THRB: variants seen among roughly 807,000 people sequenced by gnomAD.
THRB encodes nuclear receptor subfamily 1 group A member 2.
Under a neutral mutation model 47.8 loss-of-function variants are expected in THRB, and 12 were observed. That is an observed-to-expected ratio of 0.25 (90% CI 0.16 to 0.41). The LOEUF (loss-of-function observed/expected upper bound fraction) is 0.41, where lower values mean the gene tolerates loss of function less well. Ranked by LOEUF, THRB falls within the 10% of genes least tolerant of loss-of-function variation. The pLI is 1.00. For synonymous variants in THRB, 218 were observed against 212.2 expected (o/e 1.03, Z -0.24); for missense variants, 348 against 589.2 (o/e 0.59, Z 4.24).
chr3:24,186,752 C>T (rs1340932205), intron 5 of THRB, among the ~76,000 whole-genome samples: 3 of 151,910 alleles, frequency 2.0e-5, no homozygotes, highest in Non-Finnish European at 4.4e-5. Context: ...TTGAGACCTG[C>T]CTGGCCAACA....
At chr3:24,181,624 G>C (rs2041906444) in intron 5 of THRB, among the ~76,000 whole-genome samples, 1 of 152,206 alleles carries the variant, frequency 6.6e-6, no homozygotes, top group African/African-American at 2.4e-5. Context: ...AGTGAGATAG[G>C]TGACATTTGT....
At chr3:24,353,228 G>C (rs992148550) in intron 1 of THRB, among the ~76,000 whole-genome samples, 2 of 151,828 alleles carry the variant, frequency 1.3e-5, no homozygotes, top group Non-Finnish European at 2.9e-5. Context: ...GGGATGTGTA[G>C]AATAGTTTAA....
chr3:24,183,783 C>A (rs1418627937), intron 5 of THRB, among the ~76,000 whole-genome samples: 2 of 150,454 alleles, frequency 1.3e-5, no homozygotes, highest in African/African-American at 4.9e-5. Flanking sequence ...ACTAAATGGA[C>A]TGAGGGTTAC....
At chr3:24,229,891 T>C (rs2048077568) in intron 3 of THRB, among the ~76,000 whole-genome samples, 1 of 152,214 alleles carries the variant, frequency 6.6e-6, no homozygotes, top group Non-Finnish European at 1.5e-5. Context: ...CGTTGTAATA[T>C]ACTACTAGCT....
intron 1 of THRB, among the ~76,000 whole-genome samples, chr3:24,467,187 C>A (rs1166106667): frequency 6.6e-6 from 1 of 152,212 alleles, no homozygotes; most frequent in Non-Finnish European, 1.5e-5. Flanking sequence ...AACTCCTTAA[C>A]CATAGAAGTT....
intron 1 of THRB, among the ~76,000 whole-genome samples, chr3:24,469,293 T>C (rs935899529): frequency 6.6e-6 from 1 of 152,184 alleles, no homozygotes; most frequent in Non-Finnish European, 1.5e-5. Context: ...TTCTAGCACA[T>C]AATGAGCTCA....
chr3:24,307,493 G>A (rs1400558506), intron 2 of THRB, among the ~76,000 whole-genome samples: 3 of 151,802 alleles, frequency 2.0e-5, no homozygotes, highest in Non-Finnish European at 2.9e-5. Flanking sequence ...TTCATAAACA[G>A]CACTTTCAAT....
intron 1 of THRB, among the ~76,000 whole-genome samples, chr3:24,368,369 CAGG>C (rs1458957803): frequency 1.3e-5 from 2 of 152,072 alleles, no homozygotes; most frequent in African/African-American, 4.8e-5. Flanking sequence ...CACAAATGAA[CAGG>C]AGGAGAAGAT....
intron 1 of THRB, among the ~76,000 whole-genome samples, chr3:24,479,769 G>T (rs912084894): frequency 3.3e-5 from 5 of 152,164 alleles, no homozygotes; most frequent in Admixed American, 6.5e-5. Flanking sequence ...CCTGCTGGTA[G>T]ATGCTGCTGG....
intron 4 of THRB, among the ~76,000 whole-genome samples, chr3:24,214,716 AGCCTGCAACCTG>A (rs1336606671): frequency 3.3e-5 from 5 of 152,160 alleles, no homozygotes; most frequent in Non-Finnish European, 5.9e-5. Context: ...GTCCTCAGGA[AGCCTGCAACCTG>A]GCCTGCAACC....
chr3:24,278,201 T>A (rs2054139098), intron 3 of THRB, among the ~76,000 whole-genome samples: 1 of 152,208 alleles, frequency 6.6e-6, no homozygotes, highest in Admixed American at 6.5e-5. Context: ...CACTAATTAT[T>A]ATTTATTTGA....
chr3:24,271,954 T>C (rs546076154), intron 3 of THRB, among the ~76,000 whole-genome samples: 82 of 152,314 alleles, frequency 5.4e-4, no homozygotes, highest in Non-Finnish European at 9.4e-4. Flanking sequence ...ATTATGATTA[T>C]GATGGTCTTG....
chr3:24,333,882 C>A (rs779923701), intron 2 of THRB, among the ~76,000 whole-genome samples: 8 of 152,304 alleles, frequency 5.3e-5, no homozygotes, highest in African/African-American at 1.9e-4. Context: ...TTAAATCCTT[C>A]CTTCTCCAGC....
intron 9 of THRB, among the ~76,000 whole-genome samples, chr3:24,130,070 A>C (rs991889688): frequency 6.6e-6 from 1 of 152,134 alleles, no homozygotes; most frequent in African/African-American, 2.4e-5. Flanking sequence ...TTTGGGTTTG[A>C]GAGAGAATAT....
At position 24,225,157 on chromosome 3, in the gene THRB, T is replaced by C. The variant is rs111888241; in HGVS notation, c.22+3781A>G. Among the ~76,000 whole-genome samples the C allele has an allele frequency of 3.7e-3, 556 of 152,178 alleles. 8 individuals are homozygous for C. The highest frequency in any genetic ancestry group is 0.013 in the African/African-American group (535 of 41,508). Reference sequence around the variant, plus strand: ...TCAACCTCAGTTGTCATAAGGGAAATTTTTAAAAACCTGGGTTGTTCTCAG... The same window carrying C: ...TCAACCTCAGTTGTCATAAGGGAAACTTTTAAAAACCTGGGTTGTTCTCAG... On this transcript the variant is annotated intron_variant, in intron 4 of 10. Coordinates refer to ENST00000646209, the MANE Select transcript of THRB (RefSeq NM_001354712.2).
chr3:24,369,048 T>A (rs1477061878), intron 1 of THRB, among the ~76,000 whole-genome samples: 1 of 152,152 alleles, frequency 6.6e-6, no homozygotes, highest in East Asian at 1.9e-4. Context: ...ATTTAATTTT[T>A]TTGAGATGAG....
At chr3:24,163,132 T>C (rs1184100856) in intron 5 of THRB, among the ~76,000 whole-genome samples, 3 of 152,168 alleles carry the variant, frequency 2.0e-5, no homozygotes, top group Non-Finnish European at 4.4e-5. Flanking sequence ...TGGATCAATA[T>C]GGATAAACAT....
chr3:24,284,868 A>T (rs2055079298), intron 3 of THRB, among the ~76,000 whole-genome samples: 2 of 152,242 alleles, frequency 1.3e-5, no homozygotes, highest in African/African-American at 4.8e-5. Flanking sequence ...AATGCAAATT[A>T]AAACCACAAA....
intron 8 of THRB, among the ~76,000 whole-genome samples, chr3:24,142,029 G>A (rs2035513053): frequency 6.6e-6 from 1 of 152,178 alleles, no homozygotes; most frequent in Admixed American, 6.5e-5. Context: ...GCACTGAGAG[G>A]CTGCTCCTCC....
Sources: gnomAD v4.1 joint callset for allele counts (sites outside exome capture counted in the v4.1 genomes callset) on GRCh38, gnomAD v4.1.1 for gene constraint, MANE v1.5 for transcripts, NCBI Gene and HGNC (gene_info 2026-07-23, HGNC 2026-07-21) for gene names.